The following SLCO3A1 variants were observed in gnomAD, a reference collection of about 807,000 sequenced individuals.
SLCO3A1 encodes the protein PGE1 transporter.
In SLCO3A1, 27 loss-of-function variants were observed where a neutral mutation model predicts 63.1. The observed-to-expected ratio is 0.43, with a 90% CI of 0.32 to 0.59. The LOEUF is 0.59. Ranked by LOEUF, SLCO3A1 falls within the 20% of genes least tolerant of loss-of-function variation. The pLI is 0.09. For missense variants in SLCO3A1, 773 were observed against 945.8 expected (o/e 0.82, Z 2.40); for synonymous variants, 473 against 409.9 (o/e 1.15, Z -1.86).
chr15:92,140,556 C>T (rs2048117291), intron 7 of SLCO3A1, among the ~76,000 whole-genome samples: 1 of 152,132 alleles, frequency 6.6e-6, no homozygotes, highest in Admixed American at 6.6e-5. Flanking sequence ...TCTCGTTGAT[C>T]AGTCTAATGT....
chr15:92,167,343 G>T (rs139367272), downstream of SLCO3A1, among the ~76,000 whole-genome samples: 1 of 152,180 alleles, frequency 6.6e-6, no homozygotes, highest in Non-Finnish European at 1.5e-5. Flanking sequence ...TTTAGGGACC[G>T]TTCCCCCTTA....
At chr15:91,892,304 A>T (rs1321072931) in intron 1 of SLCO3A1, among the ~76,000 whole-genome samples, 4 of 152,154 alleles carry the variant, frequency 2.6e-5, no homozygotes, top group African/African-American at 9.7e-5. Flanking sequence ...CATGGGATGC[A>T]TTGGAGCAGT....
In SLCO3A1 at chr15:91,912,722, G is replaced by T. The variant is rs1246141627; in HGVS notation, c.181-3271G>T. Among the ~76,000 whole-genome samples the T allele has an allele frequency of 2.6e-5, 4 of 152,098 alleles. No individual in the cohort carries two copies. The highest frequency in any genetic ancestry group is 4.8e-5 in the African/African-American group (2 of 41,408). ...CTTCCCCCTACTTTGTTACCCTCCA[G>T]CCTCATGGTGGGTCCTAAAGCTGAA... On this transcript the variant is annotated intron_variant, in intron 1 of 9. Coordinates refer to ENST00000318445, the MANE Select transcript of SLCO3A1 (RefSeq NM_013272.4). This position sits in a 1 kb window ranked among gnomAD's most constrained non-coding sequence, Gnocchi z 5.0.
rs1340800966 is a variant in SLCO3A1 at position 91,863,813 on chromosome 15, C to T, written c.180+9725C>T. Among the ~76,000 whole-genome samples, 3 of 152,180 alleles carry T rather than the reference C, an allele frequency of 2.0e-5. No individual in the cohort carries two copies. The highest frequency in any genetic ancestry group is 7.2e-5 in the African/African-American group (3 of 41,448). On this transcript the variant is annotated intron_variant, in intron 1 of 9. Coordinates refer to ENST00000318445, the MANE Select transcript of SLCO3A1 (RefSeq NM_013272.4). This position sits in a 1 kb window ranked among gnomAD's most constrained non-coding sequence, Gnocchi z 4.3. Reference sequence around the variant, plus strand: ...ACTCCTGACTTATTGTGTGGCATGTCGTGTCGCCTCCCCAGTGCTGGTACA... The same window carrying T: ...ACTCCTGACTTATTGTGTGGCATGTTGTGTCGCCTCCCCAGTGCTGGTACA...
chr15:91,871,060 G>A (rs1327650772), intron 1 of SLCO3A1, among the ~76,000 whole-genome samples: 1 of 152,070 alleles, frequency 6.6e-6, no homozygotes, highest in Non-Finnish European at 1.5e-5. Context: ...AGGAGTCTGT[G>A]TTTAAAGATA....
rs56292826 is a variant in SLCO3A1 at position 91,900,636 on chromosome 15, A to G, written c.181-15357A>G. Among the ~76,000 whole-genome samples, 9 of 151,916 alleles carry G rather than the reference A, an allele frequency of 5.9e-5. No homozygotes were observed. Among genetic ancestry groups the G allele is most frequent in the African/African-American group, 1.7e-4 (7 of 41,358 alleles). On this transcript the variant is annotated intron_variant, in intron 1 of 9. Coordinates refer to ENST00000318445, the MANE Select transcript of SLCO3A1 (RefSeq NM_013272.4). This position sits in a 1 kb window ranked among gnomAD's most constrained non-coding sequence, Gnocchi z 4.3. ...GAGCCACCGTGCCTGGCCTGTTTGTATTTTTCATTATACACATTCTACTGG... is the reference window on the plus strand; with the variant it reads ...GAGCCACCGTGCCTGGCCTGTTTGTGTTTTTCATTATACACATTCTACTGG...
At chr15:92,168,074 C>T (rs1224433623), downstream of SLCO3A1, among the ~76,000 whole-genome samples, 1 of 152,212 alleles carries the variant, frequency 6.6e-6, no homozygotes, top group African/African-American at 2.4e-5. Flanking sequence ...TTGGTCCCTA[C>T]CCTCCAAGAA....
intron 2 of SLCO3A1, among the ~76,000 whole-genome samples, chr15:92,022,562 A>G (rs758238530): frequency 2.6e-5 from 4 of 152,258 alleles, no homozygotes; most frequent in Non-Finnish European, 5.9e-5. Flanking sequence ...GAGAGAAGAC[A>G]GAAAGCTAAA....
chr15:91,920,474 A>C (rs1474892954), intron 2 of SLCO3A1, among the ~76,000 whole-genome samples: 1 of 152,142 alleles, frequency 6.6e-6, no homozygotes, highest in Admixed American at 6.5e-5. Context: ...GGTAGGATGG[A>C]GAGAGAGGAA....
chr15:91,864,066 G>A (rs1897108546), intron 1 of SLCO3A1, among the ~76,000 whole-genome samples: 1 of 152,222 alleles, frequency 6.6e-6, no homozygotes, highest in Non-Finnish European at 1.5e-5. Context: ...TCTCCTTGCT[G>A]CACTAGGCTC....
intron 2 of SLCO3A1, among the ~76,000 whole-genome samples, chr15:91,937,362 C>G (rs968587405): frequency 5.9e-5 from 9 of 152,082 alleles, no homozygotes; most frequent in Admixed American, 5.9e-4. Context: ...CTGTTCTGCC[C>G]GCAAAGCATG....
At chr15:91,977,633 G>A (rs1901169925) in intron 2 of SLCO3A1, among the ~76,000 whole-genome samples, 3 of 152,054 alleles carry the variant, frequency 2.0e-5, no homozygotes, top group African/African-American at 7.2e-5. Context: ...GGTGGGTGAG[G>A]GATAAAGGAC....
intron 8 of SLCO3A1, among the ~76,000 whole-genome samples, chr15:92,147,996 CGCTTGAGCCCAGGG>C (rs1439585147): frequency 2.0e-5 from 3 of 152,094 alleles, no homozygotes; most frequent in African/African-American, 2.4e-5. Flanking sequence ...GCTGGAGGAT[CGCTTGAGCCCAGGG>C]GTTTGAGACC....
At chr15:91,969,448 G>A (rs1900778774) in intron 2 of SLCO3A1, among the ~76,000 whole-genome samples, 1 of 152,048 alleles carries the variant, frequency 6.6e-6, no homozygotes, top group African/African-American at 2.4e-5. Flanking sequence ...TTGGGTTACA[G>A]GTACGTGCCA....
chr15:92,161,001 C>T (rs1405018963), intron 9 of SLCO3A1, among the ~76,000 whole-genome samples: 2 of 152,084 alleles, frequency 1.3e-5, no homozygotes, highest in East Asian at 3.9e-4. Flanking sequence ...GTCTAGATCT[C>T]ATCAAAATCT....
At chr15:91,995,852 A>T (rs1051329722) in intron 2 of SLCO3A1, among the ~76,000 whole-genome samples, 4 of 152,192 alleles carry the variant, frequency 2.6e-5, no homozygotes, top group African/African-American at 9.6e-5. Context: ...AGCAATACTC[A>T]TAGAAATTTA....
intron 8 of SLCO3A1, among the ~76,000 whole-genome samples, chr15:92,148,438 C>G (rs62008655): frequency 0.17 from 25,305 of 152,146 alleles, 2,268 homozygotes; most frequent in Non-Finnish European, 0.2. Context: ...CTAATGTTAC[C>G]TAGAACGTCA....
At chr15:91,956,962 A>T (rs1261325656) in intron 2 of SLCO3A1, among the ~76,000 whole-genome samples, 18 of 48,036 alleles carry the variant, frequency 3.7e-4, no homozygotes, top group African/African-American at 1.7e-3. Context: ...TAATTTATTT[A>T]TATATATATA....
rs1229447767 is a variant in SLCO3A1 at position 91,941,793 on chromosome 15, C to G, written c.646+25335C>G. ...TTCATCTGAGAGCGCTCAGGCTTCC[C>G]TCTCTCCTCTGCCCAATGCAGTGCT... On this transcript the variant is annotated intron_variant, in intron 2 of 9. Coordinates refer to ENST00000318445, the MANE Select transcript of SLCO3A1 (RefSeq NM_013272.4). This position sits in a 1 kb window ranked among gnomAD's most constrained non-coding sequence, Gnocchi z 4.4. Among the ~76,000 whole-genome samples, 4 of 152,204 alleles carry G rather than the reference C, an allele frequency of 2.6e-5. No individual in the cohort carries two copies. The highest frequency in any genetic ancestry group is 1.5e-5 in the Non-Finnish European group (1 of 68,034).
Sources: gnomAD v4.1 joint callset for allele counts (sites outside exome capture counted in the v4.1 genomes callset) on GRCh38, gnomAD v4.1.1 for gene constraint, Gnocchi (gnomAD v3.1) non-coding constraint, MANE v1.5 for transcripts, NCBI Gene and HGNC (gene_info 2026-07-23, HGNC 2026-07-21) for gene names.